Variants in RELL1 observed in about 807,000 individuals in gnomAD.
The protein encoded by RELL1 is RELT-like protein 1.
Under a neutral mutation model 23.0 loss-of-function variants are expected in RELL1, and 10 were observed. The ratio of observed to expected loss-of-function variants is 0.43; its 90% CI spans 0.27 to 0.74. The LOEUF (loss-of-function observed/expected upper bound fraction) is 0.74, where lower values mean the gene tolerates loss of function less well. RELL1 is among the 30% of genes least tolerant of loss of function. The pLI, the probability that RELL1 is intolerant of heterozygous loss-of-function variation, is 0.19. For synonymous variants in RELL1, 146 were observed against 146.8 expected (o/e 0.99, Z 0.04); for missense variants, 315 against 364.4 (o/e 0.86, Z 1.10).
At chr4:37,625,259 C>T (rs1719899416) in intron 6 of RELL1, among the ~76,000 whole-genome samples, 1 of 151,900 alleles carries the variant, frequency 6.6e-6, no homozygotes, top group South Asian at 2.1e-4. Context: ...TGTAATACTG[C>T]AATACTACTA....
chr4:37,671,839 G>A (rs1721844554), intron 1 of RELL1, among the ~76,000 whole-genome samples: 1 of 152,158 alleles, frequency 6.6e-6, no homozygotes, highest in Non-Finnish European at 1.5e-5. Flanking sequence ...CGAGGTCCAA[G>A]AACCCTCTTC....
chr4:37,645,795 G>A (rs1226138755), intron 3 of RELL1, among the ~76,000 whole-genome samples: 1 of 152,224 alleles, frequency 6.6e-6, no homozygotes, highest in Non-Finnish European at 1.5e-5. Context: ...CCAGATCTAT[G>A]CCAAAAGCAT....
intron 4 of RELL1, among the ~76,000 whole-genome samples, chr4:37,637,872 C>T (rs1720387436): frequency 6.6e-6 from 1 of 152,216 alleles, no homozygotes; most frequent in African/African-American, 2.4e-5. Flanking sequence ...TCCAAACCAG[C>T]TTGTTCATTT....
intron 3 of RELL1, among the ~76,000 whole-genome samples, chr4:37,646,456 G>A (rs61699166): frequency 1.3e-5 from 2 of 152,068 alleles, no homozygotes; most frequent in Admixed American, 6.5e-5. Context: ...ATGGGGAGTG[G>A]CTGCCTAAAG....
intron 3 of RELL1, 48 bp from the exon 4 acceptor site, chr4:37,638,552 T>A (rs1418102914): frequency 2.2e-6 from 3 of 1,368,968 alleles, no homozygotes; most frequent in Non-Finnish European, 3.1e-6. Flanking sequence ...ATGAATAAGA[T>A]GAGTAATCAC....
At chr4:37,622,717 T>C in intron 6 of RELL1, 1 of 435,512 alleles carries the variant, frequency 2.3e-6, no homozygotes. Context: ...TGTAAGAGTA[T>C]GGTCTTCATT....
At chr4:37,632,032 T>A (rs1720153617) in intron 5 of RELL1, among the ~76,000 whole-genome samples, 1 of 114,590 alleles carries the variant, frequency 8.7e-6, no homozygotes. Flanking sequence ...TGAGCCGAGA[T>A]CACGTCATGC....
chr4:37,640,071 GT>G (rs34543693), intron 3 of RELL1, among the ~76,000 whole-genome samples: 12 of 151,410 alleles, frequency 7.9e-5, no homozygotes, highest in South Asian at 2.1e-4. Flanking sequence ...AAGAGAGTGA[GT>G]TTTTTTTTGG....
downstream of RELL1, among the ~76,000 whole-genome samples, chr4:37,586,855 A>G (rs1055267225): frequency 5.3e-5 from 8 of 152,228 alleles, no homozygotes; most frequent in African/African-American, 1.9e-4. Context: ...GGTTGCAGCG[A>G]GCCGAGATTG....
intron 1 of RELL1, among the ~76,000 whole-genome samples, chr4:37,655,515 T>G (rs185145466): frequency 2.3e-4 from 35 of 152,284 alleles, no homozygotes; most frequent in African/African-American, 7.7e-4. Flanking sequence ...CACCAAAGAT[T>G]GCCAGCAAAT....
At chr4:37,653,984 AG>A (rs1721038020) in intron 1 of RELL1, among the ~76,000 whole-genome samples, 1 of 152,246 alleles carries the variant, frequency 6.6e-6, no homozygotes, top group Non-Finnish European at 1.5e-5. Flanking sequence ...CTTAAACAAA[AG>A]AAATGATTGT....
In RELL1 at chr4:37,612,322, T is replaced by TTAAA. The variant is rs546339779; in HGVS notation, c.*1023_*1024insTTTA. Among the ~76,000 whole-genome samples the TTAAA allele has an allele frequency of 3.9e-3, 324 of 83,486 alleles. 3 individuals carry two copies. Among genetic ancestry groups the TTAAA allele is most frequent in the African/African-American group, 4.8e-3 (85 of 17,592 alleles). 54.8% of individuals were successfully genotyped at this position (83,486 alleles called of 152,430 possible). On this transcript the variant is annotated 3_prime_UTR_variant, in exon 7 of 7. Transcript: ENST00000454158. ...AACCAAGAATCGCTCAGCTAAAGGTTAAAAAAAAAAAAAAAACAAAAAAAA... is the reference window on the plus strand; with the variant it reads ...AACCAAGAATCGCTCAGCTAAAGGTTTAAAAAAAAAAAAAAAAAAACAAAAAAAA...
At chr4:37,644,913 T>C (rs1469671210) in intron 3 of RELL1, among the ~76,000 whole-genome samples, 1 of 152,118 alleles carries the variant, frequency 6.6e-6, no homozygotes, top group African/African-American at 2.4e-5. Flanking sequence ...TAACAGACTA[T>C]GGAACCAGAA....
chr4:37,684,531 C>A (rs1000306297), intron 1 of RELL1, among the ~76,000 whole-genome samples: 2 of 152,136 alleles, frequency 1.3e-5, no homozygotes, highest in East Asian at 3.8e-4. Flanking sequence ...ATTTTACTCC[C>A]AGATTAAACT....
At chr4:37,632,712 G>A (rs1244271032) in intron 5 of RELL1, among the ~76,000 whole-genome samples, 1 of 152,018 alleles carries the variant, frequency 6.6e-6, no homozygotes, top group African/African-American at 2.4e-5. Context: ...AAAAAAAATG[G>A]GTTAATTTTC....
intron 1 of RELL1, among the ~76,000 whole-genome samples, chr4:37,667,548 G>A (rs1363580842): frequency 1.3e-5 from 2 of 148,730 alleles, no homozygotes; most frequent in African/African-American, 5.0e-5. Flanking sequence ...ATTCTCCATA[G>A]CTCATCTCTA....
At chr4:37,596,038 G>A (rs886569858) in intron 6 of RELL1, among the ~76,000 whole-genome samples, 1 of 152,178 alleles carries the variant, frequency 6.6e-6, no homozygotes, top group African/African-American at 2.4e-5. Flanking sequence ...AACACCTGCA[G>A]CCATGCGTCA....
intron 1 of RELL1, among the ~76,000 whole-genome samples, chr4:37,654,247 T>C (rs545211983): frequency 6.6e-6 from 1 of 152,336 alleles, no homozygotes; most frequent in South Asian, 2.1e-4. Flanking sequence ...AAATTAAAAA[T>C]TCAGTTCCTC....
chr4:37,625,458 C>T (rs987768176), intron 6 of RELL1, among the ~76,000 whole-genome samples: 2 of 152,130 alleles, frequency 1.3e-5, no homozygotes, highest in African/African-American at 4.8e-5. Context: ...GCAAACCATA[C>T]ATCTTATAAA....
Sources: gnomAD v4.1 joint callset for allele counts (sites outside exome capture counted in the v4.1 genomes callset) on GRCh38, gnomAD v4.1.1 for gene constraint, MANE v1.5 for transcripts, NCBI Gene and HGNC (gene_info 2026-07-23, HGNC 2026-07-21) for gene names.